Variants in ERC2 observed in about 807,000 individuals in gnomAD.
ERC2 encodes ELKS/RAB6-interacting/CAST family member 2, also known as ERC protein 2.
In ERC2, 42 loss-of-function variants were observed where a neutral mutation model predicts 114.8. That is an observed-to-expected ratio of 0.37 (90% CI 0.29 to 0.47). The LOEUF (loss-of-function observed/expected upper bound fraction) is 0.47. ERC2 is among the 20% of genes least tolerant of loss of function. The pLI, the probability that ERC2 is intolerant of heterozygous loss-of-function variation, is 0.99. For synonymous variants in ERC2, 454 were observed against 425.5 expected (o/e 1.07, Z -0.82); for missense variants, 939 against 1,150.7 (o/e 0.82, Z 2.66).
intron 3 of ERC2, among the ~76,000 whole-genome samples, chr3:56,232,092 T>G (rs1243502245): frequency 6.7e-6 from 1 of 149,514 alleles, no homozygotes; most frequent in Non-Finnish European, 1.5e-5. Context: ...TGCCTCAGCC[T>G]CCCAAGCAGC....
At chr3:56,024,513 C>T (rs2149603661) in intron 7 of ERC2, among the ~76,000 whole-genome samples, 1 of 152,346 alleles carries the variant, frequency 6.6e-6, no homozygotes, top group South Asian at 2.1e-4. Flanking sequence ...GTCCCTGCAG[C>T]AGAGAGAGGG....
At chr3:56,369,065 G>A (rs761491078) in intron 2 of ERC2, among the ~76,000 whole-genome samples, 2 of 152,180 alleles carry the variant, frequency 1.3e-5, no homozygotes, top group Non-Finnish European at 2.9e-5. Context: ...ATAGGGGACA[G>A]CTTCTACCCA....
At chr3:55,901,572 C>T (rs1476132261) in intron 13 of ERC2, among the ~76,000 whole-genome samples, 1 of 152,178 alleles carries the variant, frequency 6.6e-6, no homozygotes, top group Non-Finnish European at 1.5e-5. Flanking sequence ...ACATCAAATC[C>T]ATCTCATGCT....
At chr3:55,658,966 C>A (rs1236052848) in intron 17 of ERC2, 1 of 152,666 alleles carries the variant, frequency 6.6e-6, no homozygotes, top group Non-Finnish European at 1.5e-5. Context: ...TGCAGTGAAC[C>A]TTCCCGAGGC....
intron 2 of ERC2, among the ~76,000 whole-genome samples, chr3:56,327,234 A>G (rs1270744052): frequency 1.3e-5 from 2 of 152,206 alleles, no homozygotes; most frequent in African/African-American, 2.4e-5. Context: ...GAAACTTACA[A>G]TCATGGCAGA....
At chr3:55,902,763 C>T (rs920582678) in intron 13 of ERC2, among the ~76,000 whole-genome samples, 4 of 152,196 alleles carry the variant, frequency 2.6e-5, no homozygotes, top group Admixed American at 1.3e-4. Context: ...GGGGTTTTGA[C>T]ACTGGGCTCC....
intron 2 of ERC2, among the ~76,000 whole-genome samples, chr3:56,423,393 C>A (rs1390958402): frequency 6.6e-6 from 1 of 152,216 alleles, no homozygotes; most frequent in East Asian, 1.9e-4. Flanking sequence ...GCATGTTTAG[C>A]AGCACCCCTG....
At chr3:56,119,171 C>G (rs1303630146) in intron 6 of ERC2, among the ~76,000 whole-genome samples, 1 of 152,164 alleles carries the variant, frequency 6.6e-6, no homozygotes, top group Non-Finnish European at 1.5e-5. Context: ...GTTTGTTGAC[C>G]TCTGCTTTAA....
intron 2 of ERC2, among the ~76,000 whole-genome samples, chr3:56,339,793 A>G (rs2150487029): frequency 6.6e-6 from 1 of 152,234 alleles, no homozygotes; most frequent in Admixed American, 6.5e-5. Context: ...AACAATAGGG[A>G]CAACACCAGC....
intron 14 of ERC2, among the ~76,000 whole-genome samples, chr3:55,839,126 T>A (rs533671132): frequency 6.6e-6 from 1 of 151,920 alleles, no homozygotes; most frequent in South Asian, 2.1e-4. Context: ...AAGATAAGGA[T>A]AACAGAAGAT....
At chr3:55,743,911 G>A (rs1374589966) in intron 14 of ERC2, among the ~76,000 whole-genome samples, 2 of 152,168 alleles carry the variant, frequency 1.3e-5, no homozygotes, top group African/African-American at 4.8e-5. Flanking sequence ...TATGGTGGAG[G>A]CAGGGAACCG....
At chr3:55,643,406 G>A (rs2060267908) in intron 17 of ERC2, among the ~76,000 whole-genome samples, 1 of 152,190 alleles carries the variant, frequency 6.6e-6, no homozygotes. Context: ...ATAAAAGAGA[G>A]TTTCTAATGC....
At chr3:55,887,984 T>G (rs1403130796) in intron 14 of ERC2, among the ~76,000 whole-genome samples, 1 of 152,214 alleles carries the variant, frequency 6.6e-6, no homozygotes, top group East Asian at 1.9e-4. Context: ...AAGAATATAA[T>G]TAGCAAAGTT....
At chr3:55,679,538 G>A (rs2148764819) in intron 17 of ERC2, among the ~76,000 whole-genome samples, 1 of 152,306 alleles carries the variant, frequency 6.6e-6, no homozygotes, top group South Asian at 2.1e-4. Context: ...AGCAACCATG[G>A]CAATCTTATT....
chr3:56,097,142 T>C (rs1240284093), intron 6 of ERC2, among the ~76,000 whole-genome samples: 1 of 152,194 alleles, frequency 6.6e-6, no homozygotes, highest in Non-Finnish European at 1.5e-5. Flanking sequence ...AAATTTACCT[T>C]GGCCAGAGCA....
intron 7 of ERC2, among the ~76,000 whole-genome samples, chr3:56,049,494 G>A (rs1255817666): frequency 6.6e-6 from 1 of 152,212 alleles, no homozygotes; most frequent in African/African-American, 2.4e-5. Flanking sequence ...GTGTTTCTGT[G>A]AGGGTGTTGC....
intron 2 of ERC2, among the ~76,000 whole-genome samples, chr3:56,311,230 CTTCTCTCTCTCTCTCTCTCTCT>C (rs1484507709): frequency 1.0e-4 from 3 of 29,234 alleles, no homozygotes; most frequent in African/African-American, 3.5e-4. Flanking sequence ...TATCCATCAT[CTTCTCTCTCTCTCTCTCTCTCT>C]CTCTATATAT....
chr3:56,276,518 C>A (rs1283930800), intron 3 of ERC2, among the ~76,000 whole-genome samples: 1 of 144,942 alleles, frequency 6.9e-6, no homozygotes, highest in Non-Finnish European at 1.5e-5. Context: ...GTCACAGCAC[C>A]AAAAAATTAG....
intron 14 of ERC2, among the ~76,000 whole-genome samples, chr3:55,785,938 T>C (rs1559651393): frequency 6.6e-6 from 1 of 152,238 alleles, no homozygotes. Flanking sequence ...GGCCATGTGT[T>C]TAACATATTG....
Sources: allele counts gnomAD v4.1 joint callset (sites outside exome capture counted in the v4.1 genomes callset), GRCh38; gene constraint gnomAD v4.1.1; transcripts MANE v1.5; gene names NCBI Gene and HGNC (gene_info 2026-07-23, HGNC 2026-07-21).